The following RP1 variants were observed in gnomAD, a reference collection of about 807,000 sequenced individuals.
RP1 encodes the protein oxygen-regulated protein 1.
A neutral mutation model predicts 14.8 loss-of-function variants in RP1; 16 were observed. The observed-to-expected ratio is 1.08, with a 90% CI of 0.73 to 1.65. The LOEUF (loss-of-function observed/expected upper bound fraction) is 1.65, where lower values mean the gene tolerates loss of function less well. Among genes scored for constraint, RP1 ranks in the 40% most tolerant of loss-of-function variants. The probability of loss-of-function intolerance (pLI) is 0.00; values close to 1 mark genes in which losing one functional copy is unlikely to be tolerated. For synonymous variants in RP1, 876 were observed against 883.6 expected, an observed-to-expected ratio of 0.99 and a Z score of 0.15; for missense variants, 2,631 against 2,535.0, an observed-to-expected ratio of 1.04 and a Z score of -0.81.
intron 24 of RP1, among the ~76,000 whole-genome samples, chr8:54,810,195 A>G (rs998313703): frequency 6.6e-6 from 1 of 152,192 alleles, no homozygotes; most frequent in Non-Finnish European, 1.5e-5. Flanking sequence ...GATACTAAAC[A>G]ATGTTTCAAA....
chr8:54,685,878 C>T (rs761386211), intron 12 of RP1, among the ~76,000 whole-genome samples: 7 of 152,108 alleles, frequency 4.6e-5, no homozygotes, highest in Non-Finnish European at 8.8e-5. Flanking sequence ...TTCTTGGAAC[C>T]CAGCCCTCAG....
rs571292171 is a variant in RP1, at chr8:54,811,855, C to T, written c.3616-25595C>T. Among the ~76,000 whole-genome samples, 43 of 152,336 alleles carry T rather than the reference C, an allele frequency of 2.8e-4. No homozygotes were observed. In the East Asian group the frequency reaches 3.1e-3, roughly 11 times the overall value. ...AATTTCAAGCTGAAAGCTCACTTAC[C>T]GCATATTGCCTTCCTTCACACTATT... On this transcript the variant is annotated intron_variant, in intron 24 of 28. Transcript: ENST00000637698.
At chr8:54,796,506 G>A (rs1489224312) in intron 24 of RP1, among the ~76,000 whole-genome samples, 1 of 152,174 alleles carries the variant, frequency 6.6e-6, no homozygotes, top group Non-Finnish European at 1.5e-5. Context: ...TTAACATGAG[G>A]TCATGCCAGA....
chr8:54,763,866 C>A (rs370322034), intron 22 of RP1, among the ~76,000 whole-genome samples: 1 of 152,152 alleles, frequency 6.6e-6, no homozygotes, highest in Non-Finnish European at 1.5e-5. Context: ...CAGTTAACAC[C>A]TTTAAAGTGT....
chr8:54,850,555 G>A (rs1812037464), intron 25 of RP1, among the ~76,000 whole-genome samples: 1 of 152,104 alleles, frequency 6.6e-6, no homozygotes, highest in Non-Finnish European at 1.5e-5. Context: ...CCTGCCCAAG[G>A]AGAAGGACTG....
intron 1 of RP1, among the ~76,000 whole-genome samples, chr8:54,584,794 T>G (rs1319416315): frequency 1.3e-5 from 2 of 152,214 alleles, no homozygotes; most frequent in Non-Finnish European, 2.9e-5. Flanking sequence ...TGGTTTATAG[T>G]CTGTTTTATC....
intron 27 of RP1, among the ~76,000 whole-genome samples, chr8:54,864,044 T>C (rs1206689377): frequency 6.6e-6 from 1 of 152,168 alleles, no homozygotes; most frequent in Non-Finnish European, 1.5e-5. Flanking sequence ...AAATGAAAAG[T>C]GGCAATGCTG....
chr8:54,858,790 C>G (rs576476927), intron 27 of RP1, among the ~76,000 whole-genome samples: 29 of 151,988 alleles, frequency 1.9e-4, no homozygotes, highest in African/African-American at 6.8e-4. Context: ...GGAATGTTCT[C>G]ACTGTAGAGC....
At chr8:54,577,955 T>TA (rs1239597032) in intron 1 of RP1, among the ~76,000 whole-genome samples, 1 of 151,944 alleles carries the variant, frequency 6.6e-6, no homozygotes. Flanking sequence ...TTCTTTTTTT[T>TA]TTATTATTAT....
Position 54,625,396 on chromosome 8 carries a change from G to A in RP1, c.1514G>A (p.Cys505Tyr), listed in dbSNP as rs1229330495. The change falls in exon 4 of 4, where the codon TGC (cysteine) becomes TAC (tyrosine). Residue 505 changes from cysteine to tyrosine, a missense_variant. Cys to Tyr is a radical substitution (Grantham distance 194). Transcript: ENST00000220676. ...GAGTATCACATGTTTACACATTCTT[G>A]CAGTAAAATGTCATCAGTATCTAAC... ...KSEYHMFTHSCSKMSSVSNKP... is the reference protein window; with the variant it reads ...KSEYHMFTHSYSKMSSVSNKP... 6.2e-7 allele frequency: 1 copy of A among 1,613,976 alleles called. No individual in the cohort carries two copies. Among genetic ancestry groups the A allele is most frequent in the South Asian group, 1.1e-5 (1 of 91,072 alleles).
chr8:54,776,278 T>C (rs902643963), intron 23 of RP1, among the ~76,000 whole-genome samples: 5 of 152,168 alleles, frequency 3.3e-5, no homozygotes. Context: ...CATAGCTCAC[T>C]GCAGCCTTGA....
chr8:54,833,150 C>G (rs1811573262), intron 24 of RP1, among the ~76,000 whole-genome samples: 1 of 151,928 alleles, frequency 6.6e-6, no homozygotes, highest in Admixed American at 6.6e-5. Context: ...TTTCTGGGAT[C>G]TCCCCTCTTA....
At chr8:54,566,914 A>C (rs769923972) in intron 1 of RP1, among the ~76,000 whole-genome samples, 14 of 152,196 alleles carry the variant, frequency 9.2e-5, no homozygotes, top group Non-Finnish European at 1.8e-4. Flanking sequence ...CCGAGGCCCA[A>C]GGTGCGCTGT....
chr8:54,784,089 G>A (rs1327728669), intron 24 of RP1, among the ~76,000 whole-genome samples: 1 of 152,046 alleles, frequency 6.6e-6, no homozygotes, highest in Non-Finnish European at 1.5e-5. Context: ...ACATATGATG[G>A]AGCATGATGG....
intron 24 of RP1, chr8:54,783,766 C>A (rs1455195002): frequency 9.0e-7 from 1 of 1,110,398 alleles, no homozygotes; most frequent in Non-Finnish European, 1.1e-6. Context: ...TATACATCCC[C>A]GAAGATGAAA....
At chr8:54,824,973 A>T (rs200566812) in intron 24 of RP1, among the ~76,000 whole-genome samples, 42,263 of 150,124 alleles carry the variant, frequency 0.28, 6,212 homozygotes, top group South Asian at 0.36. Flanking sequence ...TTTTTTTTTT[A>T]ATTTATTTAT....
chr8:54,663,833 A>C, exon 7 of RP1: 1 of 1,527,482 alleles, frequency 6.5e-7, no homozygotes, highest in Non-Finnish European at 8.7e-7. Context: ...GAGCTCCTTC[A>C]ATTTTTTAAG....
chr8:54,693,988 A>T (rs1181559851), intron 12 of RP1, among the ~76,000 whole-genome samples: 2 of 152,014 alleles, frequency 1.3e-5, no homozygotes, highest in African/African-American at 4.8e-5. Context: ...TTTGAGATAC[A>T]TCCCATCAAT....
At chr8:54,758,712 A>G (rs1809566790) in intron 21 of RP1, among the ~76,000 whole-genome samples, 2 of 152,196 alleles carry the variant, frequency 1.3e-5, no homozygotes, top group Admixed American at 6.5e-5. Context: ...GCAAGAGTGA[A>G]AAAACAGCCA....
Sources: allele counts gnomAD v4.1 joint callset (sites outside exome capture counted in the v4.1 genomes callset), GRCh38; gene constraint gnomAD v4.1.1; transcripts MANE v1.5; gene names NCBI Gene and HGNC (gene_info 2026-07-23, HGNC 2026-07-21).